The following B4GALNT3 variants were observed in gnomAD, a reference collection of about 807,000 sequenced individuals.
B4GALNT3 encodes beta-1,4-N-acetylgalactosaminyltransferase 3.
B4GALNT3 carries 86 observed loss-of-function variants against 120.2 expected under a neutral mutation model. That is an observed-to-expected ratio of 0.72 (90% confidence interval 0.60 to 0.86). B4GALNT3 has a LOEUF of 0.86. B4GALNT3 is among the 40% of genes least tolerant of loss of function. The pLI is 0.00. For missense variants in B4GALNT3, 1,167 were observed against 1,298.9 expected, an observed-to-expected ratio of 0.90 and a Z score of 1.56; for synonymous variants, 518 against 510.4, an observed-to-expected ratio of 1.01 and a Z score of -0.20.
At chr12:518,149 T>G (rs1946674213) in intron 1 of B4GALNT3, among the ~76,000 whole-genome samples, 1 of 152,212 alleles carries the variant, frequency 6.6e-6, no homozygotes, top group African/African-American at 2.4e-5. Context: ...ACAACTGGGC[T>G]TTAAGATATT....
intron 1 of B4GALNT3, among the ~76,000 whole-genome samples, chr12:469,583 A>G (rs1476672491): frequency 1.3e-5 from 2 of 152,126 alleles, no homozygotes; most frequent in African/African-American, 2.4e-5. Context: ...GATGTTCAGC[A>G]ATGCCTGCAT....
At chr12:474,520 G>A (rs893289190) in intron 1 of B4GALNT3, among the ~76,000 whole-genome samples, 10 of 152,238 alleles carry the variant, frequency 6.6e-5, no homozygotes, top group African/African-American at 1.4e-4. Context: ...ACATACATCC[G>A]TAAGAATCTG....
chr12:519,313 A>G (rs1424738504), intron 1 of B4GALNT3, among the ~76,000 whole-genome samples: 6 of 152,366 alleles, frequency 3.9e-5, no homozygotes, highest in Non-Finnish European at 7.3e-5. Flanking sequence ...ACCGGCAGCT[A>G]TCACAGGTCA....
At position 553,574 on chromosome 12, in the gene B4GALNT3, C is replaced by T. The variant is rs1235198826; in HGVS notation, c.1651C>T (p.Pro551Ser). 1.9e-6 allele frequency: 3 copies of T among 1,613,948 alleles called. No individual in the cohort carries two copies. In the Admixed American group the frequency reaches 5.0e-5, roughly 27 times the overall value. Residue 551 changes from proline (P) to serine (S), a missense_variant, in exon 14 of 20, where the codon CCC (proline) becomes TCC (serine). Pro to Ser is a moderately conservative substitution (Grantham distance 74). Transcript: ENST00000266383. The part of the protein sequence containing the change: ...LPQMRGPRPR[P>S]AGDSPRKTQW... ...TCAGATGAGGGGGCCCAGGCCCAGG[C>T]CCGCTGGTGACAGCCCCAGGAAGAC...
intron 13 of B4GALNT3, 56 bp downstream of exon 13, chr12:552,584 G>T: frequency 6.4e-7 from 1 of 1,550,832 alleles, no homozygotes; most frequent in South Asian, 1.1e-5. Flanking sequence ...ACCATGGTCT[G>T]TTTCCAGGGG....
intron 1 of B4GALNT3, among the ~76,000 whole-genome samples, chr12:522,596 A>T (rs1946721297): frequency 6.6e-6 from 1 of 152,070 alleles, no homozygotes; most frequent in Non-Finnish European, 1.5e-5. Flanking sequence ...ATGGTGGTGA[A>T]CAACAGTTTG....
chr12:514,824 C>A (rs973048180), intron 1 of B4GALNT3, among the ~76,000 whole-genome samples: 3 of 151,848 alleles, frequency 2.0e-5, no homozygotes, highest in African/African-American at 7.3e-5. Context: ...AGGTCAGGAG[C>A]TCGAGACCAG....
At chr12:557,834 G>C in intron 16 of B4GALNT3, 73 bp downstream of exon 16, 1 of 1,533,202 alleles carries the variant, frequency 6.5e-7, no homozygotes, top group Non-Finnish European at 8.8e-7. Flanking sequence ...CTGGGTCCAG[G>C]GTAGAGCCAG....
At chr12:533,054 C>T (rs1393003987) in intron 1 of B4GALNT3, among the ~76,000 whole-genome samples, 2 of 152,210 alleles carry the variant, frequency 1.3e-5, no homozygotes, top group African/African-American at 2.4e-5. Flanking sequence ...ATGACCCAGT[C>T]ATTCAGATGC....
chr12:506,391 G>T (rs2120555554), intron 1 of B4GALNT3, among the ~76,000 whole-genome samples: 1 of 152,220 alleles, frequency 6.6e-6, no homozygotes, highest in East Asian at 1.9e-4. Flanking sequence ...CAGGGACAAT[G>T]AAATACAGAG....
chr12:495,327 T>C (rs1203883054), intron 1 of B4GALNT3, among the ~76,000 whole-genome samples: 3 of 152,202 alleles, frequency 2.0e-5, no homozygotes, highest in Admixed American at 6.5e-5. Flanking sequence ...GTTGCTCTCT[T>C]TGAGGTTTCT....
rs75258973 is a variant in B4GALNT3, at chr12:476,775, C to T, written c.169+16230C>T. Among the ~76,000 whole-genome samples the T allele has an allele frequency of 1.4e-3, 214 of 152,322 alleles. 7 individuals carry two copies. The East Asian group carries it at 0.037, about 26-fold the overall frequency. ...ATTGGTTTTAGCATGCTGACTTTCA[C>T]ATATCAAAGAATCCTAGGACAGGGT... On this transcript the variant is annotated intron_variant, in intron 1 of 19. Coordinates refer to ENST00000266383, the MANE Select transcript of B4GALNT3 (RefSeq NM_173593.4).
chr12:511,320 T>C (rs796442830), intron 1 of B4GALNT3, among the ~76,000 whole-genome samples: 603 of 41,876 alleles, frequency 0.014, 6 homozygotes, highest in African/African-American at 0.032. Flanking sequence ...TTCCGCCTTC[T>C]GCCTTCCACC....
chr12:518,052 C>T (rs1327634797), intron 1 of B4GALNT3, among the ~76,000 whole-genome samples: 3 of 152,154 alleles, frequency 2.0e-5, no homozygotes, highest in Non-Finnish European at 4.4e-5. Flanking sequence ...GAGAATAGTA[C>T]CTTACAGGGC....
At position 547,953 on chromosome 12, in the gene B4GALNT3, G is replaced by A. The variant is rs545124312; in HGVS notation, c.708-71G>A. The A allele has an allele frequency of 6.1e-6, 8 of 1,305,094 alleles. No homozygotes were observed. The African/African-American group carries it at 1.0e-4, about 17-fold the overall frequency. The allele number at this position is 1,305,094 out of a possible 1,614,324, so 80.8% of individuals were successfully genotyped here. Reference sequence around the variant, plus strand: ...TGAGGGAGTGTAAGGTGCTGGAAGGGGGTGGGACAGAGCCGCGACCCCAGG... The same window carrying A: ...TGAGGGAGTGTAAGGTGCTGGAAGGAGGTGGGACAGAGCCGCGACCCCAGG... On this transcript the variant is annotated intron_variant, in intron 7 of 19. Coordinates refer to ENST00000266383, the MANE Select transcript of B4GALNT3 (RefSeq NM_173593.4).
At chr12:526,983 C>G (rs935814245) in intron 1 of B4GALNT3, among the ~76,000 whole-genome samples, 1 of 152,168 alleles carries the variant, frequency 6.6e-6, no homozygotes, top group African/African-American at 2.4e-5. Flanking sequence ...GGCTGGAGTG[C>G]AGTTGTACAC....
chr12:544,167 T>C (rs60780930), intron 3 of B4GALNT3, among the ~76,000 whole-genome samples, 172 bp from the exon 4 acceptor site: 12 of 79,886 alleles, frequency 1.5e-4, no homozygotes, highest in Admixed American at 3.8e-4. Context: ...CTGGGGCGGG[T>C]GTGGGATGCT....
chr12:506,426 T>C (rs1946496940), intron 1 of B4GALNT3, among the ~76,000 whole-genome samples: 1 of 152,172 alleles, frequency 6.6e-6, no homozygotes, highest in South Asian at 2.1e-4. Context: ...TATCTTCCTA[T>C]ATTTTCATTT....
Position 561,483 on chromosome 12 carries a change from C to G in B4GALNT3, c.*32C>G, listed in dbSNP as rs759827327. 1 of 1,528,134 alleles carries G rather than the reference C, an allele frequency of 6.5e-7. No individual in the cohort carries two copies. The highest frequency in any genetic ancestry group is 9.0e-7 in the Non-Finnish European group (1 of 1,111,986). The allele number at this position is 1,528,134 out of a possible 1,614,324, so 94.7% of individuals were successfully genotyped here. Reference sequence around the variant, plus strand: ...GGTGTCCGCGGGGCCCAGCACTCCCCGCTCTGGACTAGCAGTGGCTCCCCA... The same window carrying G: ...GGTGTCCGCGGGGCCCAGCACTCCCGGCTCTGGACTAGCAGTGGCTCCCCA... On this transcript the variant is annotated 3_prime_UTR_variant, in exon 20 of 20. Coordinates refer to ENST00000266383, the MANE Select transcript of B4GALNT3 (RefSeq NM_173593.4).
Sources: allele counts gnomAD v4.1 joint callset (sites outside exome capture counted in the v4.1 genomes callset), GRCh38; gene constraint gnomAD v4.1.1; transcripts MANE v1.5; gene names NCBI Gene and HGNC (gene_info 2026-07-23, HGNC 2026-07-21).